Variants in HTR1E observed in about 807,000 individuals in gnomAD.
The protein encoded by HTR1E is 5-hydroxytryptamine receptor 1E, also known as 5-HT-1E.
HTR1E carries 3 observed loss-of-function variants against 3.4 expected under a neutral mutation model. That is an observed-to-expected ratio of 0.89 (90% CI 0.41 to 2.31). HTR1E has a LOEUF of 2.31. Ranked by LOEUF, HTR1E falls within the 30% of genes most tolerant of loss-of-function variation. HTR1E has a pLI of 0.05. For missense variants in HTR1E, 392 were observed against 467.0 expected (o/e 0.84, Z 1.48); for synonymous variants, 170 against 182.8 (o/e 0.93, Z 0.56).
chr6:86,981,562 T>C (rs916093350), intron 1 of HTR1E, among the ~76,000 whole-genome samples: 2 of 152,190 alleles, frequency 1.3e-5, no homozygotes, highest in African/African-American at 4.8e-5. Context: ...TTTACTATCA[T>C]CTTCAATGTC....
intron 1 of HTR1E, among the ~76,000 whole-genome samples, chr6:87,013,540 C>T (rs756306930): frequency 2.0e-5 from 3 of 152,054 alleles, no homozygotes; most frequent in Non-Finnish European, 2.9e-5. Flanking sequence ...TGAGCCACCA[C>T]GCCAGCATAT....
At chr6:87,002,693 A>C (rs1385085110) in intron 1 of HTR1E, among the ~76,000 whole-genome samples, 1 of 152,144 alleles carries the variant, frequency 6.6e-6, no homozygotes, top group Non-Finnish European at 1.5e-5. Flanking sequence ...TGTGTTTACA[A>C]TCCTTTAGCT....
intron 1 of HTR1E, among the ~76,000 whole-genome samples, chr6:86,938,286 T>C (rs567132188): frequency 2.0e-5 from 3 of 152,288 alleles, no homozygotes; most frequent in Non-Finnish European, 2.9e-5. Flanking sequence ...GACTGCACTG[T>C]TGCTCCAGCC....
At chr6:86,998,895 T>C (rs926101318) in intron 1 of HTR1E, among the ~76,000 whole-genome samples, 2 of 152,142 alleles carry the variant, frequency 1.3e-5, no homozygotes, top group African/African-American at 4.8e-5. Context: ...TTACTATAGA[T>C]AGTATAGGCT....
At chr6:86,970,311 T>A (rs1767531757) in intron 1 of HTR1E, among the ~76,000 whole-genome samples, 1 of 152,196 alleles carries the variant, frequency 6.6e-6, no homozygotes, top group Admixed American at 6.5e-5. Flanking sequence ...TTATGGAAGA[T>A]CACTGAGTTG....
chr6:86,958,416 C>T (rs935449294), intron 1 of HTR1E, among the ~76,000 whole-genome samples: 3 of 152,070 alleles, frequency 2.0e-5, no homozygotes, highest in Non-Finnish European at 4.4e-5. Flanking sequence ...GTCTAAAGTG[C>T]CCTCTCATCT....
At chr6:86,996,411 G>GA (rs1469765161) in intron 1 of HTR1E, among the ~76,000 whole-genome samples, 2 of 151,988 alleles carry the variant, frequency 1.3e-5, no homozygotes, top group African/African-American at 4.8e-5. Context: ...TTTTTATAGA[G>GA]AAAATCAATG....
At chr6:87,004,998 A>G (rs550861426) in intron 1 of HTR1E, among the ~76,000 whole-genome samples, 3 of 152,186 alleles carry the variant, frequency 2.0e-5, no homozygotes, top group African/African-American at 7.2e-5. Flanking sequence ...AATTGCTACA[A>G]ATAAAATAAA....
chr6:87,007,600 G>T lies in HTR1E; in HGVS notation c.-185-7550G>T, dbSNP rs1244518504. ...TATCTCATATACCCCCTAAATATAT[G>T]CATCTACTATGTACCCACAAAAAAT... On this transcript the variant is annotated intron_variant, in intron 1 of 1. Coordinates refer to ENST00000305344, the MANE Select transcript of HTR1E (RefSeq NM_000865.3). Among the ~76,000 whole-genome samples, 3 of 152,012 alleles carry T rather than the reference G, an allele frequency of 2.0e-5. No homozygotes were observed. The East Asian group carries it at 5.8e-4, about 29-fold the overall frequency.
chr6:86,955,770 G>A (rs1479852707), intron 1 of HTR1E, among the ~76,000 whole-genome samples: 6 of 152,164 alleles, frequency 3.9e-5, no homozygotes, highest in East Asian at 3.9e-4. Flanking sequence ...CAAAGGAAAC[G>A]TATTTTAAAA....
chr6:86,995,292 TAATAAATAAATA>T (rs71014980), intron 1 of HTR1E, among the ~76,000 whole-genome samples: 18 of 144,134 alleles, frequency 1.2e-4, no homozygotes, highest in Admixed American at 4.2e-4. Flanking sequence ...CTCTATAATA[TAATAAATAAATA>T]AATAAATAAA....
chr6:87,010,831 T>A (rs1479756006), intron 1 of HTR1E, among the ~76,000 whole-genome samples: 1 of 151,854 alleles, frequency 6.6e-6, no homozygotes, highest in East Asian at 1.9e-4. Flanking sequence ...GCGGGGCCCG[T>A]CCGCTCCTCC....
At position 86,937,795 on chromosome 6, in the gene HTR1E, G is replaced by T. The variant is rs906132387; in HGVS notation, c.-214G>T. 6.5e-6 allele frequency: 1 copy of T among 152,896 alleles called. No individual in the cohort carries two copies. Among genetic ancestry groups the T allele is most frequent in the Non-Finnish European group, 1.5e-5 (1 of 68,224 alleles). The allele number at this position is 152,896 out of a possible 1,614,324, so 9.5% of individuals were successfully genotyped here. The stretch of plus-strand genomic sequence containing the variant: ...AGCTGGACGTGCCGGTTTGCCCAGT[G>T]CGGCGCGGCTGCACGCACCGTCCAC... On this transcript the variant is annotated 5_prime_UTR_variant, in exon 1 of 2. Transcript: ENST00000305344.
At chr6:86,941,785 A>G (rs1320839529) in intron 1 of HTR1E, among the ~76,000 whole-genome samples, 1 of 152,110 alleles carries the variant, frequency 6.6e-6, no homozygotes, top group Non-Finnish European at 1.5e-5. Context: ...TAGCAGTTCT[A>G]AAACTCTCAG....
Position 87,015,712 on chromosome 6 carries a change from T to C in HTR1E, c.378T>C (p.Asn126=), listed in dbSNP as rs1582288788. 1.2e-6 allele frequency: 2 copies of C among 1,613,192 alleles called. No individual in the cohort carries two copies. Among genetic ancestry groups the C allele is most frequent in the Non-Finnish European group, 1.7e-6 (2 of 1,179,464 alleles). ...IALDRYWAIT[N]AIEYARKRTA... ...TGGACAGGTACTGGGCCATCACCAATGCTATTGAATACGCCAGGAAGAGGA... is the reference window on the plus strand; with the variant it reads ...TGGACAGGTACTGGGCCATCACCAACGCTATTGAATACGCCAGGAAGAGGA... The change falls in exon 2 of 2, where the codon AAT becomes AAC. Residue 126 remains asparagine, a synonymous_variant. Coordinates refer to ENST00000305344, the MANE Select transcript of HTR1E (RefSeq NM_000865.3).
intron 1 of HTR1E, among the ~76,000 whole-genome samples, chr6:87,003,538 C>CA (rs56069995): frequency 7.5e-6 from 1 of 133,520 alleles, no homozygotes. Context: ...GACTCCATCT[C>CA]AAAAAAAAAA....
intron 1 of HTR1E, among the ~76,000 whole-genome samples, chr6:86,955,656 C>G (rs1035162148): frequency 1.3e-5 from 2 of 152,112 alleles, no homozygotes; most frequent in African/African-American, 2.4e-5. Context: ...ACAACTAATA[C>G]AGTGTTCAAT....
chr6:87,016,220 A>T lies in HTR1E; in HGVS notation c.886A>T (p.Ile296Phe). 1 of 1,614,092 alleles carries T rather than the reference A, an allele frequency of 6.2e-7. No individual in the cohort carries two copies. Among genetic ancestry groups the T allele is most frequent in the Non-Finnish European group, 8.5e-7 (1 of 1,179,994 alleles). The change falls in exon 2 of 2, where the codon ATT becomes TTT. Residue 296 changes from isoleucine (I) to phenylalanine (F), a missense_variant. Transcript: ENST00000305344. The stretch of plus-strand genomic sequence containing the variant: ...GAAGGCAGCACGCATCCTGGGGCTG[A>T]TTCTGGGTGCATTCATTTTATCCTG... ...ERKAARILGL[I>F]LGAFILSWLP...
At chr6:86,994,730 T>C (rs538694709) in intron 1 of HTR1E, among the ~76,000 whole-genome samples, 1 of 152,198 alleles carries the variant, frequency 6.6e-6, no homozygotes, top group South Asian at 2.1e-4. Flanking sequence ...GCTTTCATTT[T>C]CCTCTTGTTT....
Sources: gnomAD v4.1 joint callset for allele counts (sites outside exome capture counted in the v4.1 genomes callset) on GRCh38, gnomAD v4.1.1 for gene constraint, MANE v1.5 for transcripts, NCBI Gene and HGNC (gene_info 2026-07-23, HGNC 2026-07-21) for gene names.